Variants in ZNF263 observed in about 807,000 individuals in gnomAD.
ZNF263 encodes zinc finger protein 263.
ZNF263 carries 49 observed loss-of-function variants against 63.1 expected under a neutral mutation model. The observed-to-expected ratio is 0.78, with a 90% CI of 0.62 to 0.99. ZNF263 has a LOEUF of 0.99. Among genes scored for constraint, ZNF263 ranks in the 50% least tolerant of loss-of-function variants. ZNF263 has a pLI of 0.00. For missense variants in ZNF263, 872 were observed against 854.8 expected (o/e 1.02, Z -0.25); for synonymous variants, 352 against 324.2 (o/e 1.09, Z -0.92).
Position 3,299,360 on chromosome 16 carries a change from C to G in ZNF263, c.*46+204C>G, listed in dbSNP as rs111422669. 4.8e-4 allele frequency: 769 copies of G among 1,587,652 alleles called. No homozygotes were observed. The highest frequency in any genetic ancestry group is 6.3e-4 in the Non-Finnish European group (741 of 1,168,362). ...CATTTTTCAAGAATTTCTCTATAAT[C>G]CCCATGTTCTAAGCCTTGAAAATCA... On this transcript the variant is annotated intron_variant, in intron 2 of 2. Transcript: ENST00000574674.
downstream of ZNF263, chr16:3,293,464 A>C (rs1415544687): frequency 6.6e-6 from 1 of 152,238 alleles, no homozygotes; most frequent in Non-Finnish European, 1.5e-5. Flanking sequence ...GAGATGTCCA[A>C]GTTAGTGCTT....
rs1359634373 is a variant in ZNF263 at position 3,289,892 on chromosome 16, T to G, written c.1386T>G (p.Tyr462Ter). 1.2e-6 allele frequency: 2 copies of G among 1,614,082 alleles called. No individual in the cohort carries two copies. Among genetic ancestry groups the G allele is most frequent in the South Asian group, 2.2e-5 (2 of 91,086 alleles). ...HQRTHTGEKP[Y>*]QCNICGKCFS... is the part of the protein sequence containing the mutation. Reference sequence around the variant, plus strand: ...GCACCCACACGGGTGAGAAGCCCTATCAGTGCAACATTTGCGGAAAATGTT... The same window carrying G: ...GCACCCACACGGGTGAGAAGCCCTAGCAGTGCAACATTTGCGGAAAATGTT... Residue 462 changes from tyrosine to a stop codon, truncating the protein, a stop_gained, in exon 6 of 6, where the codon TAT becomes TAG. Coordinates refer to ENST00000219069, the MANE Select transcript of ZNF263 (RefSeq NM_005741.5). LOFTEE classifies it high-confidence loss of function.
At chr16:3,288,642 G>A in intron 5 of ZNF263, 72 bp downstream of exon 5, 1 of 1,248,362 alleles carries the variant, frequency 8.0e-7, no homozygotes, top group Admixed American at 2.2e-5. Flanking sequence ...GGCATTTTTT[G>A]GTTTTGTTTT....
chr16:3,300,617 T>C (rs202241936), intron 2 of ZNF263: 4 of 1,547,620 alleles, frequency 2.6e-6, no homozygotes, highest in Non-Finnish European at 2.6e-6. Flanking sequence ...TTATTCATAC[T>C]GAATTTAACT....
At chr16:3,294,256 C>A (rs1596375298), downstream of ZNF263, among the ~76,000 whole-genome samples, 1 of 152,206 alleles carries the variant, frequency 6.6e-6, no homozygotes. Flanking sequence ...AAGAGTGATT[C>A]ATTACATTAA....
intron 4 of ZNF263, 47 bp from the exon 5 acceptor site, chr16:3,288,407 T>C (rs1425940226): frequency 7.2e-7 from 1 of 1,386,268 alleles, no homozygotes; most frequent in South Asian, 1.2e-5. Flanking sequence ...CCTACCCTGG[T>C]AGAGGAAAGT....
In ZNF263 at chr16:3,290,046, G is replaced by GGA; in HGVS notation, c.1544_1545dup (p.Arg516SerfsTer41). On this transcript the variant is annotated frameshift_variant, in exon 6 of 6. Transcript: ENST00000219069. LOFTEE classifies it high-confidence loss of function. Reference sequence around the variant, plus strand: ...CCTTCGGCACCAGAGAATTCACACTGGAGAGCGACCTTATAAGTGTCCCGA... The same window carrying GGA: ...CCTTCGGCACCAGAGAATTCACACTGGAGAGAGCGACCTTATAAGTGTCCCGA... The GGA allele has an allele frequency of 6.2e-7, 1 of 1,614,172 alleles. No individual in the cohort carries two copies. Among genetic ancestry groups the GGA allele is most frequent in the Non-Finnish European group, 8.5e-7 (1 of 1,180,046 alleles).
At chr16:3,288,931 C>A (rs780678952) in intron 5 of ZNF263, among the ~76,000 whole-genome samples, 1 of 152,070 alleles carries the variant, frequency 6.6e-6, no homozygotes, top group African/African-American at 2.4e-5. Flanking sequence ...GTGTGAGCCA[C>A]CGCCCCCAGC....
chr16:3,297,179 C>T (rs1421589656), intron 1 of ZNF263, among the ~76,000 whole-genome samples: 2 of 151,636 alleles, frequency 1.3e-5, no homozygotes, highest in African/African-American at 2.4e-5. Context: ...CGCCTGTAAT[C>T]CCAGCTACTC....
intron 2 of ZNF263, chr16:3,300,778 G>T: frequency 8.1e-7 from 1 of 1,238,348 alleles, no homozygotes; most frequent in South Asian, 1.8e-5. Context: ...AACCATGACT[G>T]AAGAGCTAGT....
Position 3,284,937 on chromosome 16 carries a change from T to C in ZNF263, c.388-122T>C, listed in dbSNP as rs148899411. 1.6e-3 allele frequency: 2,060 copies of C among 1,256,902 alleles called. 27 individuals are homozygous for C. The African/African-American group carries it at 0.027, about 16-fold the overall frequency. 77.9% of individuals were successfully genotyped at this position (1,256,902 alleles called of 1,614,324 possible). ...GCCTTTAGTGTAAACCATTTTTCTG[T>C]TACCTGGGCCCAAAGGGATCGCCTG... On this transcript the variant is annotated intron_variant, in intron 1 of 5. Transcript: ENST00000219069.
In ZNF263 at chr16:3,283,749, A is replaced by C; in HGVS notation, c.-70A>C. The stretch of plus-strand genomic sequence containing the variant: ...GCTCCTGCTGGCGCCGTCCAACCTT[A>C]CATGGGTTCAGGGCGCCTTCGTAGG... On this transcript the variant is annotated 5_prime_UTR_variant, in exon 1 of 6. Coordinates refer to ENST00000219069, the MANE Select transcript of ZNF263 (RefSeq NM_005741.5). 1 of 1,463,934 alleles carries C rather than the reference A, an allele frequency of 6.8e-7. No individual in the cohort carries two copies. The allele number at this position is 1,463,934 out of a possible 1,614,324, so 90.7% of individuals were successfully genotyped here. A position where few individuals can be genotyped will look rare whatever the true frequency, so the allele number is the denominator to read the frequency against.
At chr16:3,297,772 A>G (rs917020410) in intron 1 of ZNF263, among the ~76,000 whole-genome samples, 1 of 152,114 alleles carries the variant, frequency 6.6e-6, no homozygotes, top group Non-Finnish European at 1.5e-5. Flanking sequence ...CCAGAAACAG[A>G]TTCTTGAAGA....
In ZNF263 at chr16:3,285,148, G is replaced by C; in HGVS notation, c.477G>C (p.Glu159Asp). 1 of 1,614,192 alleles carries C rather than the reference G, an allele frequency of 6.2e-7. No individual in the cohort carries two copies. Among genetic ancestry groups the C allele is most frequent in the Non-Finnish European group, 8.5e-7 (1 of 1,180,046 alleles). The change falls in exon 2 of 6, where the codon GAG becomes GAC. Residue 159 changes from glutamate to aspartate, a missense_variant. Physicochemically the swap from Glu to Asp is conservative, Grantham distance 45. Transcript: ENST00000219069. ...TARESPSFKL[E>D]PMETERSPGP... ...GAGAGTCACCGAGCTTCAAGCTGGAGCCAATGGAGACTGAGCGAAGCCCTG... is the reference window on the plus strand; with the variant it reads ...GAGAGTCACCGAGCTTCAAGCTGGACCCAATGGAGACTGAGCGAAGCCCTG...
chr16:3,289,613 G>A lies in ZNF263; in HGVS notation c.1107G>A (p.Pro369=), dbSNP rs778442540. The A allele has an allele frequency of 6.2e-6, 10 of 1,614,056 alleles. No individual in the cohort carries two copies. Among genetic ancestry groups the A allele is most frequent in the South Asian group, 1.1e-5 (1 of 91,092 alleles). The part of the protein sequence containing the change: ...GASSGRELGR[P]KELQPKKLHL... ...CAAGTGGCAGAGAACTGGGGCGACC[G>A]AAGGAACTGCAGCCAAAGAAACTCC... is the stretch of plus-strand genomic sequence containing the variant. Residue 369 remains proline, a synonymous_variant, in exon 6 of 6, where the codon CCG becomes CCA. Transcript: ENST00000219069.
At chr16:3,293,040 G>A (rs192093822), downstream of ZNF263, 166 of 152,380 alleles carry the variant, frequency 1.1e-3, no homozygotes, top group African/African-American at 3.8e-3. Context: ...TCATGTTTGA[G>A]AGAGTAGGTC....
At chr16:3,300,217 T>G in intron 2 of ZNF263, 1 of 1,614,242 alleles carries the variant, frequency 6.2e-7, no homozygotes, top group Non-Finnish European at 8.5e-7. Flanking sequence ...CCCAATTGCA[T>G]GCCGATTTCG....
At position 3,300,280 on chromosome 16, in the gene ZNF263, C is replaced by T. The variant is rs758348034; in HGVS notation, c.*47-633C>T. ...TTTGAAATCTGTTCGCCCAAAACACCGTGCAAATCTCTCTGCAGCAGCCTG... is the reference window on the plus strand; with the variant it reads ...TTTGAAATCTGTTCGCCCAAAACACTGTGCAAATCTCTCTGCAGCAGCCTG... On this transcript the variant is annotated intron_variant, in intron 2 of 2. Coordinates refer to the ZNF263 transcript ENST00000574674. 9.3e-6 allele frequency: 15 copies of T among 1,614,062 alleles called. No individual in the cohort carries two copies. In the African/African-American group the frequency reaches 9.3e-5, roughly 10 times the overall value.
chr16:3,297,453 ATT>A (rs1567257128), intron 1 of ZNF263, among the ~76,000 whole-genome samples: 3 of 124,966 alleles, frequency 2.4e-5, no homozygotes, highest in Non-Finnish European at 5.0e-5. Context: ...TCAGAAACAG[ATT>A]CTTTTTTTTT....
Sources: gnomAD v4.1 joint callset for allele counts (sites outside exome capture counted in the v4.1 genomes callset) on GRCh38, gnomAD v4.1.1 for gene constraint, MANE v1.5 for transcripts, NCBI Gene and HGNC (gene_info 2026-07-23, HGNC 2026-07-21) for gene names.